EML1: variants seen among roughly 807,000 people sequenced by gnomAD.
The protein encoded by EML1 is EMAP like 1.
In EML1, 27 loss-of-function variants were observed where a neutral mutation model predicts 110.4. That is an observed-to-expected ratio of 0.24 (90% CI 0.18 to 0.34). The LOEUF (loss-of-function observed/expected upper bound fraction) is 0.34, where lower values mean the gene tolerates loss of function less well. Among genes scored for constraint, EML1 ranks in the 10% least tolerant of loss-of-function variants. The pLI is 1.00. For synonymous variants in EML1, 344 were observed against 385.8 expected (o/e 0.89, Z 1.27); for missense variants, 741 against 1,030.9 (o/e 0.72, Z 3.85).
intron 17 of EML1, among the ~76,000 whole-genome samples, chr14:99,935,687 G>A (rs1192110048): frequency 6.7e-6 from 1 of 150,138 alleles, no homozygotes; most frequent in Admixed American, 6.7e-5. Flanking sequence ...GGAGGCTGAG[G>A]CAGGAGAATG....
At chr14:99,889,264 A>C (rs2059543234) in intron 4 of EML1, among the ~76,000 whole-genome samples, 1 of 152,070 alleles carries the variant, frequency 6.6e-6, no homozygotes, top group African/African-American at 2.4e-5. Flanking sequence ...TGCCCCGGGG[A>C]GAGGCAGGAT....
chr14:99,829,228 A>G (rs532414069), intron 1 of EML1, among the ~76,000 whole-genome samples: 3 of 152,256 alleles, frequency 2.0e-5, no homozygotes, highest in African/African-American at 4.8e-5. Flanking sequence ...CACCTGGACC[A>G]AGAATCCTTT....
chr14:99,815,729 C>G (rs576126059), intron 1 of EML1, among the ~76,000 whole-genome samples: 1 of 152,200 alleles, frequency 6.6e-6, no homozygotes, highest in South Asian at 2.1e-4. Context: ...CTGAGTTACT[C>G]TTTGTTGGGT....
intron 1 of EML1, among the ~76,000 whole-genome samples, chr14:99,748,585 A>G (rs996835867): frequency 3.9e-5 from 6 of 152,094 alleles, no homozygotes; most frequent in Non-Finnish European, 7.4e-5. Flanking sequence ...CCTGTGCAAC[A>G]AGTTCAAGGC....
intron 1 of EML1, among the ~76,000 whole-genome samples, chr14:99,747,782 C>A (rs1223530616): frequency 6.6e-6 from 1 of 152,160 alleles, no homozygotes; most frequent in Non-Finnish European, 1.5e-5. Flanking sequence ...CAAGCCCACC[C>A]CTGGCCACAC....
chr14:99,910,801 T>A (rs2059933398), intron 12 of EML1, among the ~76,000 whole-genome samples: 2 of 152,164 alleles, frequency 1.3e-5, no homozygotes, highest in African/African-American at 4.8e-5. Flanking sequence ...AACAGTTTGC[T>A]AAGGGAGATG....
chr14:99,741,853 G>A (rs1463682707), intron 1 of EML1, among the ~76,000 whole-genome samples: 3 of 152,194 alleles, frequency 2.0e-5, no homozygotes, highest in Non-Finnish European at 4.4e-5. Flanking sequence ...GTGCTGGAAA[G>A]GGTATGAGAT....
In EML1 at chr14:99,914,649, T is replaced by C; in HGVS notation, c.1704T>C (p.Thr568=). 6.2e-7 allele frequency: 1 copy of C among 1,611,888 alleles called. No individual in the cohort carries two copies. Residue 568 remains threonine (T), a synonymous_variant, in exon 15 of 22, where the codon ACT becomes ACC. Coordinates refer to ENST00000262233, the MANE Select transcript of EML1 (RefSeq NM_004434.3). ...FLTCGHDKHA[T]LWDAVGHRPV... is the part of the protein sequence containing the mutation. The stretch of plus-strand genomic sequence containing the variant: ...CCTGTGGGCATGACAAGCATGCCAC[T>C]CTCTGGGACGCTGTGGGTCACCGTC...
In EML1 at chr14:99,844,641, A is replaced by C. The variant is rs558800296; in HGVS notation, c.68-6212A>C. Among the ~76,000 whole-genome samples, 4 of 152,374 alleles carry C rather than the reference A, an allele frequency of 2.6e-5. No homozygotes were observed. The South Asian group carries it at 8.3e-4, about 32-fold the overall frequency. ...ATGGTTTAATGTAACAACCACCACTAAGGATATAGAACATTCCAATTACCT... is the reference window on the plus strand; with the variant it reads ...ATGGTTTAATGTAACAACCACCACTCAGGATATAGAACATTCCAATTACCT... On this transcript the variant is annotated intron_variant, in intron 1 of 21. Transcript: ENST00000262233.
chr14:99,791,164 T>A (rs927420081), upstream of EML1, among the ~76,000 whole-genome samples: 7 of 152,196 alleles, frequency 4.6e-5, no homozygotes, highest in African/African-American at 1.7e-4. Context: ...TCGGCCTCCC[T>A]GCCAAAGTGT....
intron 2 of EML1, among the ~76,000 whole-genome samples, chr14:99,853,884 C>T (rs556018548): frequency 6.6e-6 from 1 of 152,164 alleles, no homozygotes; most frequent in South Asian, 2.1e-4. Flanking sequence ...TTGGCCAGGC[C>T]GGTTTTGAAC....
At chr14:99,901,510 A>G (rs916266599) in intron 9 of EML1, among the ~76,000 whole-genome samples, 6 of 152,162 alleles carry the variant, frequency 3.9e-5, no homozygotes, top group Non-Finnish European at 8.8e-5. Flanking sequence ...TAAAACACTA[A>G]AAGAATGTCT....
At chr14:99,769,937 G>T (rs2057405461), upstream of EML1, among the ~76,000 whole-genome samples, 2 of 152,114 alleles carry the variant, frequency 1.3e-5, no homozygotes, top group Admixed American at 6.6e-5. Context: ...TTCCCTACCA[G>T]TCCCTTCTGT....
At chr14:99,933,650 G>A (rs1339723829) in intron 17 of EML1, among the ~76,000 whole-genome samples, 1 of 152,246 alleles carries the variant, frequency 6.6e-6, no homozygotes. Flanking sequence ...GACCTTGGAT[G>A]AGTTAGTTTA....
At chr14:99,929,381 TC>T (rs557458309) in intron 17 of EML1, among the ~76,000 whole-genome samples, 2 of 152,178 alleles carry the variant, frequency 1.3e-5, no homozygotes, top group Non-Finnish European at 2.9e-5. Context: ...TGTGATATCA[TC>T]ATCAGTAACA....
intron 16 of EML1, among the ~76,000 whole-genome samples, chr14:99,919,467 A>T (rs2060094667): frequency 1.1e-5 from 1 of 90,520 alleles, no homozygotes; most frequent in African/African-American, 3.9e-5. Context: ...CACACACTCC[A>T]CCTCCCATTT....
intron 3 of EML1, among the ~76,000 whole-genome samples, chr14:99,873,733 G>C (rs920567118): frequency 2.6e-5 from 4 of 152,240 alleles, no homozygotes; most frequent in African/African-American, 9.7e-5. Flanking sequence ...TTTTGCCGAA[G>C]ATCAGTTTTT....
At position 99,939,716 on chromosome 14, in the gene EML1, G is replaced by A. The variant is rs1341544463; in HGVS notation, c.2323-271G>A. Among the ~76,000 whole-genome samples the A allele has an allele frequency of 6.6e-6, 1 of 152,108 alleles. No individual in the cohort carries two copies. Among genetic ancestry groups the A allele is most frequent in the East Asian group, 1.9e-4 (1 of 5,168 alleles). On this transcript the variant is annotated intron_variant, in intron 21 of 21. Coordinates refer to ENST00000262233, the MANE Select transcript of EML1 (RefSeq NM_004434.3). This position sits in a 1 kb window ranked among gnomAD's most constrained non-coding sequence, Gnocchi z 4.2. ...GCATCTGGTTAGGCCCACCTTTGGGGCGACCTCATACCTGGCACCTCTGAT... is the reference window on the plus strand; with the variant it reads ...GCATCTGGTTAGGCCCACCTTTGGGACGACCTCATACCTGGCACCTCTGAT...
At chr14:99,935,888 G>T in intron 17 of EML1, 141 bp from the exon 18 acceptor site, 1 of 736,992 alleles carries the variant, frequency 1.4e-6, no homozygotes, top group Non-Finnish European at 2.2e-6. Context: ...AGGATTCATT[G>T]AAAAGCAGAT....
Sources: gnomAD v4.1 joint callset for allele counts (sites outside exome capture counted in the v4.1 genomes callset) on GRCh38, gnomAD v4.1.1 for gene constraint, Gnocchi (gnomAD v3.1) non-coding constraint, MANE v1.5 for transcripts, NCBI Gene and HGNC (gene_info 2026-07-23, HGNC 2026-07-21) for gene names.